MMRN1: variants seen among roughly 807,000 people sequenced by gnomAD.
The protein encoded by MMRN1 is multimerin-1.
MMRN1 carries 94 observed loss-of-function variants against 100.7 expected under a neutral mutation model. The observed-to-expected ratio is 0.93, with a 90% confidence interval of 0.79 to 1.11. The LOEUF (loss-of-function observed/expected upper bound fraction) is 1.11, where lower values mean the gene tolerates loss of function less well. Ranked by LOEUF, MMRN1 falls within the 50% of genes least tolerant of loss-of-function variation. The pLI is 0.00. For synonymous variants in MMRN1, 575 were observed against 505.0 expected (o/e 1.14, Z -1.86); for missense variants, 1,606 against 1,439.1 (o/e 1.12, Z -1.88).
chr4:89,903,679 GATA>G (rs530500521), intron 1 of MMRN1, among the ~76,000 whole-genome samples: 156 of 151,906 alleles, frequency 1.0e-3, no homozygotes, highest in African/African-American at 3.5e-3. Context: ...GTGTGAGGTA[GATA>G]ATATTATTGT....
At chr4:89,892,188 A>G (rs1159126334), upstream of MMRN1, among the ~76,000 whole-genome samples, 3 of 151,844 alleles carry the variant, frequency 2.0e-5, no homozygotes, top group Admixed American at 1.3e-4. Flanking sequence ...AAATCTCCTG[A>G]TAACTCATAA....
chr4:89,912,542 ATT>A (rs957174113), intron 3 of MMRN1, among the ~76,000 whole-genome samples: 2 of 143,746 alleles, frequency 1.4e-5, no homozygotes, highest in Non-Finnish European at 1.5e-5. Flanking sequence ...TAATGGAGCT[ATT>A]TTTTTTTTTT....
chr4:89,897,490 G>A (rs1721246586), intron 1 of MMRN1, among the ~76,000 whole-genome samples: 1 of 152,058 alleles, frequency 6.6e-6, no homozygotes, highest in African/African-American at 2.4e-5. Flanking sequence ...TTACAGGCGT[G>A]AGCCACCGCA....
intron 1 of MMRN1, among the ~76,000 whole-genome samples, chr4:89,904,193 T>C (rs1475803636): frequency 1.3e-5 from 2 of 151,850 alleles, no homozygotes; most frequent in African/African-American, 4.8e-5. Context: ...CTCTCTGATT[T>C]TGACAAGAGA....
rs796413906 is a variant in MMRN1, at chr4:89,948,272, A to AT, written c.3119-3325dup. 1.8e-4 allele frequency among the ~76,000 whole-genome samples: 27 copies of AT among 152,060 alleles called. 1 individual carries two copies. Among genetic ancestry groups the AT allele is most frequent in the South Asian group, 1.0e-3 (5 of 4,812 alleles). On this transcript the variant is annotated intron_variant, in intron 6 of 7. Transcript: ENST00000264790. ...TGTACTTGTCACTAATCCATCAGGT[A>AT]TTTTTTTTCTAGTACGTATTTTTAT...
chr4:89,911,920 C>A (rs773376312), intron 2 of MMRN1, 24 bp from the exon 3 acceptor site: 2 of 1,441,724 alleles, frequency 1.4e-6, no homozygotes, highest in Non-Finnish European at 1.9e-6. Flanking sequence ...TAATCGATTT[C>A]CCTCCAATTG....
In MMRN1 at chr4:89,880,206, T is replaced by C. The variant is rs144153248; in HGVS notation, c.-249+604T>C. On this transcript the variant is annotated intron_variant, in intron 1 of 8. Transcript: ENST00000394980. Reference sequence around the variant, plus strand: ...AGTTAAGTTGGGGGAGAAGGTTGAGTTTAAGCCCTAAAGTAAAAGGATTTG... The same window carrying C: ...AGTTAAGTTGGGGGAGAAGGTTGAGCTTAAGCCCTAAAGTAAAAGGATTTG... Among the ~76,000 whole-genome samples, 4 of 152,206 alleles carry C rather than the reference T, an allele frequency of 2.6e-5. No individual in the cohort carries two copies. In the East Asian group the frequency reaches 7.7e-4, roughly 29 times the overall value.
rs532622132 is a variant in MMRN1 at position 89,953,832 on chromosome 4, A to G, written c.*414A>G. 3 of 153,170 alleles carry G rather than the reference A, an allele frequency of 2.0e-5. No individual in the cohort carries two copies. The South Asian group carries it at 6.2e-4, about 32-fold the overall frequency. 9.5% of individuals were successfully genotyped at this position (153,170 alleles called of 1,614,324 possible). On this transcript the variant is annotated 3_prime_UTR_variant, in exon 8 of 8. Transcript: ENST00000264790. The stretch of plus-strand genomic sequence containing the variant: ...TATAACACACATTTTCTAGATTCAC[A>G]AATTTAAATAAATTACTCAAAAAAT...
upstream of MMRN1, among the ~76,000 whole-genome samples, chr4:89,893,398 C>A (rs1721099014): frequency 6.6e-6 from 1 of 151,984 alleles, no homozygotes; most frequent in African/African-American, 2.4e-5. Context: ...TAGTTAGTAG[C>A]TCAAGGAAGA....
At chr4:89,942,355 AT>A (rs1722860196) in intron 6 of MMRN1, among the ~76,000 whole-genome samples, 1 of 152,200 alleles carries the variant, frequency 6.6e-6, no homozygotes, top group Non-Finnish European at 1.5e-5. Flanking sequence ...ACTCAATAGT[AT>A]TATTTTGTAA....
intron 6 of MMRN1, among the ~76,000 whole-genome samples, chr4:89,949,211 C>A (rs551359120): frequency 1.1e-4 from 16 of 152,286 alleles, no homozygotes; most frequent in Middle Eastern, 3.4e-3. Flanking sequence ...TTCTTAAGTT[C>A]TCCTTATAGC....
At chr4:89,937,723 G>A (rs1722691991) in intron 6 of MMRN1, among the ~76,000 whole-genome samples, 2 of 152,032 alleles carry the variant, frequency 1.3e-5, no homozygotes, top group African/African-American at 2.4e-5. Flanking sequence ...TCCACGATCT[G>A]TTCACAGCCT....
At chr4:89,900,868 T>C (rs1230309942) in intron 1 of MMRN1, among the ~76,000 whole-genome samples, 1 of 152,170 alleles carries the variant, frequency 6.6e-6, no homozygotes, top group East Asian at 1.9e-4. Context: ...TAATATTTGA[T>C]GAACTGATAG....
chr4:89,935,190 G>A lies in MMRN1; in HGVS notation c.1510G>A (p.Glu504Lys), dbSNP rs773223321. 6.2e-6 allele frequency: 10 copies of A among 1,613,328 alleles called. No individual in the cohort carries two copies. The highest frequency in any genetic ancestry group is 2.5e-6 in the Non-Finnish European group (3 of 1,179,678). The change falls in exon 6 of 8, where the codon GAA becomes AAA. Residue 504 changes from glutamate to lysine, a missense_variant. By Grantham distance (56) the Glu-to-Lys change is moderately conservative (BLOSUM62 1). Transcript: ENST00000264790. ...ACACTCAAGAAGCATTCTGTATTAT[G>A]AATCCCTCAATAAAACTCTTTCTAA... The part of the protein sequence containing the change: ...QEHSRSILYY[E>K]SLNKTLSKLK...
Position 89,936,351 on chromosome 4 carries a change from G to T in MMRN1, c.2671G>T (p.Asp891Tyr), listed in dbSNP as rs900191151. Residue 891 changes from aspartate (D) to tyrosine (Y), a missense_variant, in exon 6 of 8, where the codon GAT becomes TAT. Coordinates refer to ENST00000264790, the MANE Select transcript of MMRN1 (RefSeq NM_007351.3). ...AGGCAGTGTAGTTACAAATGAGAGA[G>T]ATCAGGCTCTTCAACTGCAAGTATT... is the stretch of plus-strand genomic sequence containing the variant. The part of the protein sequence containing the change: ...KKGSVVTNER[D>Y]QALQLQVLNS... 3 of 1,612,416 alleles carry T rather than the reference G, an allele frequency of 1.9e-6. No individual in the cohort carries two copies. Among genetic ancestry groups the T allele is most frequent in the African/African-American group, 1.3e-5 (1 of 74,840 alleles).
At chr4:89,939,058 G>A (rs1246920395) in intron 6 of MMRN1, among the ~76,000 whole-genome samples, 1 of 152,060 alleles carries the variant, frequency 6.6e-6, no homozygotes, top group Non-Finnish European at 1.5e-5. Flanking sequence ...CAGCAGGCAA[G>A]GTCTATGAAA....
intron 6 of MMRN1, 139 bp from the exon 7 acceptor site, chr4:89,951,466 C>T: frequency 1.3e-6 from 1 of 798,372 alleles, no homozygotes; most frequent in Non-Finnish European, 1.8e-6. Flanking sequence ...CCCAGATCGA[C>T]AGGCATCCTG....
intron 5 of MMRN1, among the ~76,000 whole-genome samples, chr4:89,929,813 G>A (rs1722380741): frequency 6.6e-6 from 1 of 152,060 alleles, no homozygotes; most frequent in South Asian, 2.1e-4. Flanking sequence ...CACCTCCAAG[G>A]TGCTGTGCTT....
intron 3 of MMRN1, among the ~76,000 whole-genome samples, chr4:89,912,778 TA>T (rs899583082): frequency 7.9e-5 from 12 of 151,366 alleles, no homozygotes; most frequent in African/African-American, 2.9e-4. Flanking sequence ...AGACTGTGAT[TA>T]AAAATTAATA....
Sources: allele counts gnomAD v4.1 joint callset (sites outside exome capture counted in the v4.1 genomes callset), GRCh38; gene constraint gnomAD v4.1.1; transcripts MANE v1.5; gene names NCBI Gene and HGNC (gene_info 2026-07-23, HGNC 2026-07-21).